The following C6 variants were observed in gnomAD, a reference collection of about 807,000 sequenced individuals.
C6 encodes the protein complement C6.
In C6, 101 loss-of-function variants were observed where a neutral mutation model predicts 112.9. The ratio of observed to expected loss-of-function variants is 0.89; its 90% CI spans 0.76 to 1.06. C6 has a LOEUF of 1.06. Among genes scored for constraint, C6 ranks in the 50% least tolerant of loss-of-function variants. C6 has a pLI of 0.00. For missense variants in C6, 1,202 were observed against 1,104.6 expected (o/e 1.09, Z -1.25); for synonymous variants, 431 against 384.1 (o/e 1.12, Z -1.43).
chr5:41,213,721 A>T (rs1034852420), upstream of C6: 1 of 175,568 alleles, frequency 5.7e-6, no homozygotes, highest in East Asian at 1.9e-4. Flanking sequence ...CTCTCTTTCC[A>T]TTTTAAAGAA....
intron 5 of C6, among the ~76,000 whole-genome samples, chr5:41,187,629 G>A (rs866654250): frequency 1.3e-5 from 2 of 151,686 alleles, no homozygotes; most frequent in Non-Finnish European, 2.9e-5. Flanking sequence ...AGAAAGTAAG[G>A]CTAATATAAA....
intron 1 of C6, among the ~76,000 whole-genome samples, chr5:41,238,642 C>T (rs1388717632): frequency 6.6e-6 from 1 of 152,152 alleles, no homozygotes; most frequent in Admixed American, 6.5e-5. Context: ...ATGATTAACA[C>T]TTGCAGCATT....
chr5:41,239,555 A>G (rs1484923282), intron 1 of C6, among the ~76,000 whole-genome samples: 1 of 152,140 alleles, frequency 6.6e-6, no homozygotes, highest in African/African-American at 2.4e-5. Context: ...ACTATCAAAC[A>G]TTAGAACTTA....
At chr5:41,216,756 A>T (rs971172166), upstream of C6, among the ~76,000 whole-genome samples, 1 of 152,120 alleles carries the variant, frequency 6.6e-6, no homozygotes, top group African/African-American at 2.4e-5. Flanking sequence ...TGAAGATTGC[A>T]TCAGTGGCTT....
chr5:41,244,645 C>A (rs1740914983), intron 1 of C6, among the ~76,000 whole-genome samples: 1 of 152,156 alleles, frequency 6.6e-6, no homozygotes, highest in Non-Finnish European at 1.5e-5. Context: ...CCACTGTCCC[C>A]CTTGGAAATT....
chr5:41,254,578 A>G (rs777942894), intron 1 of C6, among the ~76,000 whole-genome samples: 12 of 152,192 alleles, frequency 7.9e-5, no homozygotes, highest in Non-Finnish European at 2.9e-5. Context: ...TGGAGAGTGA[A>G]GAGAACCTTG....
chr5:41,176,424 T>C, intron 8 of C6, 51 bp downstream of exon 8: 1 of 1,577,782 alleles, frequency 6.3e-7, no homozygotes, highest in Non-Finnish European at 8.7e-7. Flanking sequence ...GAGAAAAATG[T>C]ATTGCATGCT....
At chr5:41,160,753 G>A (rs1307021484) in intron 10 of C6, among the ~76,000 whole-genome samples, 2 of 152,146 alleles carry the variant, frequency 1.3e-5, no homozygotes, top group East Asian at 3.9e-4. Context: ...AAAAAATTTA[G>A]AGAGGATAAG....
chr5:41,210,777 A>G (rs566526681), intron 1 of C6, among the ~76,000 whole-genome samples: 122 of 152,302 alleles, frequency 8.0e-4, no homozygotes, highest in African/African-American at 2.8e-3. Context: ...GGAACATTTT[A>G]CACTGTTGGT....
chr5:41,161,019 A>G (rs555632300), intron 10 of C6, among the ~76,000 whole-genome samples: 14 of 152,156 alleles, frequency 9.2e-5, no homozygotes, highest in Non-Finnish European at 1.6e-4. Context: ...TTTCTCCCAT[A>G]ACATGTAGAG....
intron 7 of C6, among the ~76,000 whole-genome samples, chr5:41,180,641 T>A (rs1258201260): frequency 6.6e-6 from 1 of 151,788 alleles, no homozygotes; most frequent in Non-Finnish European, 1.5e-5. Context: ...AATGAAAAAA[T>A]TTGCTCTGAA....
At chr5:41,205,497 C>G (rs1373481669) in intron 1 of C6, among the ~76,000 whole-genome samples, 3 of 152,146 alleles carry the variant, frequency 2.0e-5, no homozygotes, top group Non-Finnish European at 4.4e-5. Flanking sequence ...CAGACAGTAC[C>G]TGGAAAATCG....
intron 1 of C6, among the ~76,000 whole-genome samples, chr5:41,207,742 T>G (rs373620099): frequency 1.3e-5 from 2 of 151,944 alleles, no homozygotes; most frequent in Non-Finnish European, 2.9e-5. Flanking sequence ...TCCTTAGAGA[T>G]CTACAAAGAG....
chr5:41,172,335 T>C lies in C6; in HGVS notation c.1181A>G (p.Glu394Gly). The change falls in exon 9 of 18, where the codon GAA becomes GGA. Residue 394 changes from glutamate to glycine, a missense_variant. Coordinates refer to ENST00000337836, the MANE Select transcript of C6 (RefSeq NM_000065.5). ...EELKNSGLTE[E>G]EAKHCVRIET... ...AATCCTGACACAGTGTTTGGCTTCT[T>C]CCTCGGTTAAACCTAGGAGATGAAG... The C allele has an allele frequency of 6.2e-7, 1 of 1,613,630 alleles. No homozygotes were observed. The highest frequency in any genetic ancestry group is 8.5e-7 in the Non-Finnish European group (1 of 1,179,750).
intron 1 of C6, among the ~76,000 whole-genome samples, chr5:41,219,318 T>C (rs1017447061): frequency 7.2e-5 from 11 of 152,178 alleles, no homozygotes; most frequent in Non-Finnish European, 5.9e-5. Flanking sequence ...TAGGGTCATC[T>C]AGATTTGTCT....
chr5:41,148,356 G>T (rs1746046141), intron 17 of C6, among the ~76,000 whole-genome samples: 1 of 152,142 alleles, frequency 6.6e-6, no homozygotes, highest in African/African-American at 2.4e-5. Context: ...AGAATAACAT[G>T]TAGAGTATGC....
chr5:41,217,911 C>A (rs1019952041), upstream of C6, among the ~76,000 whole-genome samples: 11 of 152,084 alleles, frequency 7.2e-5, 1 homozygote. Context: ...TCCCAAACAT[C>A]TTGAATACAT....
rs1463544565 is a variant in C6, at chr5:41,176,615, T to G, written c.1028A>C (p.Asn343Thr). Residue 343 changes from asparagine to threonine, a missense_variant, in exon 8 of 18, where the codon AAC becomes ACC. Coordinates refer to ENST00000337836, the MANE Select transcript of C6 (RefSeq NM_000065.5). ...AGAGTTGTATTCTAGAGGCAGATGG[T>G]TAAGTGCTTTCAAAAAGACATCAGA... is the stretch of plus-strand genomic sequence containing the variant. Reference protein sequence around the residue: ...HLSDVFLKALNHLPLEYNSAL... With the variant: ...HLSDVFLKALTHLPLEYNSAL... 5 of 1,613,782 alleles carry G rather than the reference T, an allele frequency of 3.1e-6. No individual in the cohort carries two copies. The highest frequency in any genetic ancestry group is 1.3e-5 in the African/African-American group (1 of 74,896).
At position 41,149,537 on chromosome 5, in the gene C6, GGCACGTA is replaced by G. The variant is rs560113206; in HGVS notation, c.2382-62_2382-56del. 262 of 1,607,630 alleles carry G rather than the reference GGCACGTA, an allele frequency of 1.6e-4. 13 individuals are homozygous for G. In the South Asian group the frequency reaches 2.9e-3, roughly 17 times the overall value. The stretch of plus-strand genomic sequence containing the variant: ...ATATGAAGATCAGAAAAAAACAGGG[GGCACGTA>G]GCCAATGTAGTGTGTTCACTCACCA... On this transcript the variant is annotated intron_variant, in intron 16 of 17. Transcript: ENST00000337836.
Sources: gnomAD v4.1 joint callset for allele counts (sites outside exome capture counted in the v4.1 genomes callset) on GRCh38, gnomAD v4.1.1 for gene constraint, MANE v1.5 for transcripts, NCBI Gene and HGNC (gene_info 2026-07-23, HGNC 2026-07-21) for gene names.